The following GALNTL6 variants were observed in gnomAD, a reference collection of about 807,000 sequenced individuals.
GALNTL6 encodes the protein polypeptide N-acetylgalactosaminyltransferase like 6, also known as polypeptide N-acetylgalactosaminyltransferase-like 6.
In GALNTL6, 46 loss-of-function variants were observed where a neutral mutation model predicts 73.7. The ratio of observed to expected loss-of-function variants is 0.62; its 90% CI spans 0.49 to 0.80. The LOEUF is 0.80. GALNTL6 is among the 30% of genes least tolerant of loss of function. The pLI is 0.00. For synonymous variants in GALNTL6, 259 were observed against 263.7 expected (o/e 0.98, Z 0.17); for missense variants, 604 against 755.0 (o/e 0.80, Z 2.34).
In GALNTL6 at chr4:172,271,960, T is replaced by TA. The variant is rs200574797; in HGVS notation, c.248-39654_248-39653insA. Reference sequence around the variant, plus strand: ...GCCATCATAAATATATATATATATATTTTTTTTTATGAGATGGAGTCTCAC... The same window carrying TA: ...GCCATCATAAATATATATATATATATATTTTTTTTATGAGATGGAGTCTCAC... On this transcript the variant is annotated intron_variant, in intron 3 of 12. Transcript: ENST00000506823. Among the ~76,000 whole-genome samples, 236 of 138,396 alleles carry TA rather than the reference T, an allele frequency of 1.7e-3. 1 individual carries two copies. The highest frequency in any genetic ancestry group is 3.9e-3 in the Admixed American group (57 of 14,474). The allele number at this position is 138,396 out of a possible 152,430, so 90.8% of individuals were successfully genotyped here. A position where few individuals can be genotyped will look rare whatever the true frequency, so the allele number is the denominator to read the frequency against.
intron 5 of GALNTL6, among the ~76,000 whole-genome samples, chr4:172,501,009 T>C (rs144058072): frequency 6.6e-6 from 1 of 152,370 alleles, no homozygotes; most frequent in Non-Finnish European, 1.5e-5. Flanking sequence ...GTGATGAAAC[T>C]GTCCTATATC....
chr4:172,428,319 CA>C lies in GALNTL6; in HGVS notation c.553+79631del, dbSNP rs1368195297. ...AAAATTAGTAACAAAATAATAAAATCAGTATATCTGAATGTGTATGAAAAAT... is the reference window on the plus strand; with the variant it reads ...AAAATTAGTAACAAAATAATAAAATCGTATATCTGAATGTGTATGAAAAAT... On this transcript the variant is annotated intron_variant, in intron 5 of 12. Transcript: ENST00000506823. Among the ~76,000 whole-genome samples, 3 of 151,958 alleles carry C rather than the reference CA, an allele frequency of 2.0e-5. No individual in the cohort carries two copies. In the East Asian group the frequency reaches 5.8e-4, roughly 29 times the overall value.
intron 5 of GALNTL6, among the ~76,000 whole-genome samples, chr4:172,666,215 C>CA (rs935037274): frequency 2.6e-5 from 4 of 151,530 alleles, no homozygotes; most frequent in African/African-American, 7.3e-5. Context: ...TATAATACTT[C>CA]AAAAAAAAAT....
intron 3 of GALNTL6, among the ~76,000 whole-genome samples, chr4:172,300,264 C>T (rs1238272116): frequency 5.3e-5 from 8 of 152,054 alleles, no homozygotes; most frequent in Non-Finnish European, 8.8e-5. Context: ...CCATGTGTGT[C>T]TCTGCATGTG....
chr4:172,110,487 T>C (rs1473848639), intron 2 of GALNTL6, among the ~76,000 whole-genome samples: 1 of 152,108 alleles, frequency 6.6e-6, no homozygotes, highest in African/African-American at 2.4e-5. Context: ...ATTTTAAAAA[T>C]TAAAGAAAAA....
At chr4:173,013,701 A>G (rs1752656715) in intron 11 of GALNTL6, among the ~76,000 whole-genome samples, 1 of 152,114 alleles carries the variant, frequency 6.6e-6, no homozygotes, top group East Asian at 1.9e-4. Flanking sequence ...ACAGCTCTTT[A>G]AAAAGATTTC....
intron 5 of GALNTL6, among the ~76,000 whole-genome samples, chr4:172,807,553 A>C (rs1741035381): frequency 6.6e-6 from 1 of 152,154 alleles, no homozygotes; most frequent in South Asian, 2.1e-4. Context: ...TGTCCACCAC[A>C]TTCTAGAAGG....
At chr4:172,898,972 C>A (rs1746479956) in intron 8 of GALNTL6, among the ~76,000 whole-genome samples, 2 of 152,164 alleles carry the variant, frequency 1.3e-5, no homozygotes, top group Admixed American at 1.3e-4. Context: ...CTGTTCTGTT[C>A]CCTTCAGATT....
At chr4:172,260,632 A>G (rs1230101098) in intron 3 of GALNTL6, among the ~76,000 whole-genome samples, 1 of 151,572 alleles carries the variant, frequency 6.6e-6, no homozygotes, top group Non-Finnish European at 1.5e-5. Flanking sequence ...TAGGACTTTC[A>G]GTACTATGTT....
chr4:172,585,929 T>C (rs1737393836), intron 5 of GALNTL6, among the ~76,000 whole-genome samples: 1 of 152,084 alleles, frequency 6.6e-6, no homozygotes, highest in Non-Finnish European at 1.5e-5. Context: ...TTACAGAGCA[T>C]TAGAGAAATC....
intron 2 of GALNTL6, among the ~76,000 whole-genome samples, chr4:172,187,044 A>G (rs142214119): frequency 4.1e-4 from 63 of 152,238 alleles, no homozygotes; most frequent in African/African-American, 1.4e-3. Context: ...ATTTTAACCT[A>G]AATATTAGTC....
intron 2 of GALNTL6, among the ~76,000 whole-genome samples, chr4:171,938,661 T>C (rs1258972913): frequency 6.6e-6 from 1 of 152,176 alleles, no homozygotes; most frequent in Non-Finnish European, 1.5e-5. Flanking sequence ...ACACACTCTT[T>C]CTCTTAAAAC....
At chr4:171,900,722 C>A (rs1347759988) in intron 2 of GALNTL6, among the ~76,000 whole-genome samples, 1 of 151,712 alleles carries the variant, frequency 6.6e-6, no homozygotes, top group Non-Finnish European at 1.5e-5. Context: ...TAAATATGTC[C>A]TTGGGTAAAT....
chr4:173,021,160 G>T (rs147456067), intron 11 of GALNTL6, among the ~76,000 whole-genome samples: 1 of 151,748 alleles, frequency 6.6e-6, no homozygotes, highest in Non-Finnish European at 1.5e-5. Context: ...CCTCTTACTC[G>T]TTCTCCTTCA....
At chr4:172,635,450 T>G (rs1044837199) in intron 5 of GALNTL6, among the ~76,000 whole-genome samples, 5 of 152,108 alleles carry the variant, frequency 3.3e-5, no homozygotes, top group Admixed American at 6.6e-5. Context: ...TAGTTTTGGG[T>G]TTTTTATCAA....
At chr4:172,563,015 A>G (rs1412287935) in intron 5 of GALNTL6, among the ~76,000 whole-genome samples, 1 of 152,136 alleles carries the variant, frequency 6.6e-6, no homozygotes, top group Non-Finnish European at 1.5e-5. Context: ...TGGGGTTAAT[A>G]TCGTTGTGGG....
rs1278480341 is a variant in GALNTL6 at position 172,070,081 on chromosome 4, G to C, written c.139-159575G>C. Among the ~76,000 whole-genome samples the C allele has an allele frequency of 2.8e-5, 3 of 108,948 alleles. 1 individual carries two copies. The highest frequency in any genetic ancestry group is 1.0e-4 in the African/African-American group (3 of 28,936). 71.5% of individuals were successfully genotyped at this position (108,948 alleles called of 152,430 possible). On this transcript the variant is annotated intron_variant, in intron 2 of 12. Coordinates refer to ENST00000506823, the MANE Select transcript of GALNTL6 (RefSeq NM_001034845.3). ...ATCTTGTGGAGAACATTCCCAGCAG[G>C]AGAAATAGTAATGTCGCTGTTTTGC...
intron 8 of GALNTL6, among the ~76,000 whole-genome samples, chr4:172,918,412 A>C (rs920985474): frequency 6.6e-5 from 10 of 152,102 alleles, no homozygotes; most frequent in Non-Finnish European, 1.3e-4. Flanking sequence ...TAAAATAAAA[A>C]ATAAAGAATT....
chr4:171,864,901 G>A (rs1011393030), intron 2 of GALNTL6, among the ~76,000 whole-genome samples: 4 of 152,094 alleles, frequency 2.6e-5, no homozygotes, highest in African/African-American at 9.7e-5. Flanking sequence ...TAAGAGAAAA[G>A]ATGGGAAACA....
Sources: gnomAD v4.1 joint callset for allele counts (sites outside exome capture counted in the v4.1 genomes callset) on GRCh38, gnomAD v4.1.1 for gene constraint, MANE v1.5 for transcripts, NCBI Gene and HGNC (gene_info 2026-07-23, HGNC 2026-07-21) for gene names.